The following LRRC4C variants were observed in gnomAD, a reference collection of about 807,000 sequenced individuals.
The protein encoded by LRRC4C is leucine-rich repeat-containing protein 4C.
LRRC4C carries 5 observed loss-of-function variants against 33.6 expected under a neutral mutation model. The observed-to-expected ratio is 0.15, with a 90% confidence interval of 0.08 to 0.31. The LOEUF (loss-of-function observed/expected upper bound fraction) is 0.31. Ranked by LOEUF, LRRC4C falls within the 10% of genes least tolerant of loss-of-function variation. LRRC4C has a pLI of 1.00. For synonymous variants in LRRC4C, 329 were observed against 302.0 expected, an observed-to-expected ratio of 1.09 and a Z score of -0.93; for missense variants, 560 against 796.7, an observed-to-expected ratio of 0.70 and a Z score of 3.58.
rs11371073 is a variant in LRRC4C at position 40,656,472 on chromosome 11, C to CTT, written c.-406-8196_-406-8195dup. Among the ~76,000 whole-genome samples the CTT allele has an allele frequency of 8.3e-3, 1,197 of 144,384 alleles. 15 individuals carry two copies. Among genetic ancestry groups the CTT allele is most frequent in the African/African-American group, 0.025 (987 of 38,974 alleles). 94.7% of individuals were successfully genotyped at this position (144,384 alleles called of 152,430 possible). On this transcript the variant is annotated intron_variant, in intron 2 of 6. Coordinates refer to ENST00000528697, the MANE Select transcript of LRRC4C (RefSeq NM_001258419.2). ...GTGCTTGTATTACAGAAGTGGGTCA[C>CTT]TTTTTTTTTTTTTTTGAAAAAGGCA... is the stretch of plus-strand genomic sequence containing the variant.
chr11:40,385,712 C>G (rs1026892747), intron 3 of LRRC4C, among the ~76,000 whole-genome samples: 5 of 151,592 alleles, frequency 3.3e-5, no homozygotes, highest in African/African-American at 1.2e-4. Context: ...ATTAAAAATA[C>G]AAAAATTAGC....
intron 3 of LRRC4C, among the ~76,000 whole-genome samples, chr11:40,607,138 C>T (rs1161303221): frequency 6.6e-6 from 1 of 152,090 alleles, no homozygotes; most frequent in Non-Finnish European, 1.5e-5. Context: ...AGGCGAAATA[C>T]GATTTTCCCA....
intron 2 of LRRC4C, among the ~76,000 whole-genome samples, chr11:40,862,189 T>A (rs1369198867): frequency 6.6e-6 from 1 of 152,220 alleles, no homozygotes; most frequent in Non-Finnish European, 1.5e-5. Flanking sequence ...TTTAAAATTA[T>A]TCACACTATT....
chr11:40,914,980 A>G (rs1187935693), intron 2 of LRRC4C, among the ~76,000 whole-genome samples: 2 of 152,190 alleles, frequency 1.3e-5, no homozygotes, highest in African/African-American at 4.8e-5. Context: ...TAGGAATCCA[A>G]CTTACAGGGG....
intron 3 of LRRC4C, among the ~76,000 whole-genome samples, chr11:40,335,256 T>G (rs563328057): frequency 1.3e-5 from 2 of 152,286 alleles, no homozygotes; most frequent in African/African-American, 4.8e-5. Context: ...ATTTTTATTA[T>G]ATCAAGGAAG....
At chr11:40,446,146 A>G (rs1042697502) in intron 3 of LRRC4C, 1 of 152,236 alleles carries the variant, frequency 6.6e-6, no homozygotes, top group Non-Finnish European at 1.5e-5. Flanking sequence ...GGTCTCTCCC[A>G]TATGACTATG....
chr11:40,605,203 GAC>G (rs1960447430), intron 3 of LRRC4C, among the ~76,000 whole-genome samples: 1 of 152,062 alleles, frequency 6.6e-6, no homozygotes, highest in Admixed American at 6.6e-5. Context: ...GGAGGTGGGG[GAC>G]AAAGCGATTT....
At chr11:41,137,799 T>C (rs967325891) in intron 1 of LRRC4C, among the ~76,000 whole-genome samples, 1 of 152,232 alleles carries the variant, frequency 6.6e-6, no homozygotes, top group Non-Finnish European at 1.5e-5. Flanking sequence ...GGAAATATTT[T>C]ATGTTTCAAG....
At chr11:40,665,350 ATATATATATATATG>A (rs55882313) in intron 2 of LRRC4C, among the ~76,000 whole-genome samples, 2,191 of 19,386 alleles carry the variant, frequency 0.11, 95 homozygotes, top group Non-Finnish European at 0.15. Context: ...ATATATATAT[ATATATATATATATG>A]TATATATATA....
intron 3 of LRRC4C, among the ~76,000 whole-genome samples, chr11:40,423,431 G>A (rs1170416912): frequency 7.5e-6 from 1 of 134,172 alleles, no homozygotes; most frequent in Non-Finnish European, 1.5e-5. Context: ...TGCAAGCTCC[G>A]CCTCCCGGGT....
chr11:41,159,984 A>G (rs1565437455), intron 1 of LRRC4C, among the ~76,000 whole-genome samples: 1 of 152,094 alleles, frequency 6.6e-6, no homozygotes, highest in Non-Finnish European at 1.5e-5. Context: ...AAACTCCAGA[A>G]AATAGAGACC....
At chr11:40,927,706 G>A (rs766527787) in intron 2 of LRRC4C, among the ~76,000 whole-genome samples, 32 of 151,722 alleles carry the variant, frequency 2.1e-4, no homozygotes, top group Non-Finnish European at 3.5e-4. Context: ...GTTAAAAATG[G>A]ATTAATAGCA....
intron 2 of LRRC4C, among the ~76,000 whole-genome samples, chr11:40,749,949 C>A (rs561334907): frequency 1.3e-5 from 2 of 152,088 alleles, no homozygotes; most frequent in African/African-American, 4.8e-5. Flanking sequence ...AAATATAAAA[C>A]CTGAACAGAC....
At chr11:40,627,551 G>C (rs555789498) in intron 3 of LRRC4C, among the ~76,000 whole-genome samples, 41 of 152,220 alleles carry the variant, frequency 2.7e-4, no homozygotes, top group African/African-American at 9.9e-4. Context: ...AGGGGAAAAA[G>C]TACTTCATGA....
chr11:40,286,463 T>C (rs1943847092), intron 4 of LRRC4C, among the ~76,000 whole-genome samples: 1 of 152,184 alleles, frequency 6.6e-6, no homozygotes, highest in South Asian at 2.1e-4. Context: ...TTTCATTATT[T>C]TTAGACTTCA....
At chr11:40,661,989 A>G (rs1943463737) in intron 2 of LRRC4C, among the ~76,000 whole-genome samples, 1 of 152,224 alleles carries the variant, frequency 6.6e-6, no homozygotes, top group Non-Finnish European at 1.5e-5. Context: ...AAGCTGTCAT[A>G]TTAGGGGAAA....
chr11:40,797,948 G>C (rs1015798097), intron 2 of LRRC4C, among the ~76,000 whole-genome samples: 2 of 152,180 alleles, frequency 1.3e-5, no homozygotes, highest in African/African-American at 4.8e-5. Context: ...GTATGTAGGA[G>C]TAAACTCAGA....
At chr11:40,832,273 C>T (rs1952452816) in intron 2 of LRRC4C, among the ~76,000 whole-genome samples, 1 of 152,074 alleles carries the variant, frequency 6.6e-6, no homozygotes. Context: ...ATGGGATGTC[C>T]ATCATATATG....
intron 3 of LRRC4C, among the ~76,000 whole-genome samples, chr11:40,469,101 A>T (rs1463456831): frequency 2.0e-5 from 3 of 152,222 alleles, no homozygotes; most frequent in Non-Finnish European, 4.4e-5. Flanking sequence ...AGATGGCTGA[A>T]TAGGAACAGC....
Sources: allele counts gnomAD v4.1 joint callset (sites outside exome capture counted in the v4.1 genomes callset), GRCh38; gene constraint gnomAD v4.1.1; transcripts MANE v1.5; gene names NCBI Gene and HGNC (gene_info 2026-07-23, HGNC 2026-07-21).